ADAMTSL1: variants seen among roughly 807,000 people sequenced by gnomAD.
ADAMTSL1 encodes the protein ADAMTS like 1.
In ADAMTSL1, 126 loss-of-function variants were observed where a neutral mutation model predicts 201.8. The observed-to-expected ratio is 0.62, with a 90% CI of 0.54 to 0.72. The LOEUF (loss-of-function observed/expected upper bound fraction) is 0.72, where lower values mean the gene tolerates loss of function less well. Ranked by LOEUF, ADAMTSL1 falls within the 30% of genes least tolerant of loss-of-function variation. The pLI, the probability that ADAMTSL1 is intolerant of heterozygous loss-of-function variation, is 0.00. For synonymous variants in ADAMTSL1, 1,121 were observed against 903.4 expected (o/e 1.24, Z -4.32); for missense variants, 2,679 against 2,277.8 (o/e 1.18, Z -3.59).
chr9:18,295,557 C>T (rs1833444773), intron 2 of ADAMTSL1, among the ~76,000 whole-genome samples: 1 of 152,084 alleles, frequency 6.6e-6, no homozygotes, highest in Non-Finnish European at 1.5e-5. Flanking sequence ...CCAGGATGGT[C>T]TCTATCTCTT....
chr9:18,785,658 A>C (rs1156309000), intron 19 of ADAMTSL1, among the ~76,000 whole-genome samples: 1 of 152,306 alleles, frequency 6.6e-6, no homozygotes, highest in African/African-American at 2.4e-5. Flanking sequence ...GCAAAAGCTA[A>C]CTCCAGTCTG....
At chr9:18,712,878 C>T (rs1832699335) in intron 14 of ADAMTSL1, among the ~76,000 whole-genome samples, 1 of 147,596 alleles carries the variant, frequency 6.8e-6, no homozygotes, top group Non-Finnish European at 1.5e-5. Flanking sequence ...AAAGGGAAGC[C>T]CATCAGACTA....
chr9:18,315,420 G>T (rs571951282), intron 2 of ADAMTSL1, among the ~76,000 whole-genome samples: 66 of 152,184 alleles, frequency 4.3e-4, no homozygotes, highest in African/African-American at 1.6e-3. Context: ...GGCCGTGTGG[G>T]AGCCCAAGGG....
rs145610580 is a variant in ADAMTSL1 at position 18,595,230 on chromosome 9, A to G, written c.474+20964A>G. ...CTTGCCTGTAGGCCTCTGCCCAGGT[A>G]GGATGGGTCCCTTACTGCAGTGAAA... On this transcript the variant is annotated intron_variant, in intron 4 of 28. Coordinates refer to ENST00000380548, the MANE Select transcript of ADAMTSL1 (RefSeq NM_001040272.6). 1.4e-4 allele frequency among the ~76,000 whole-genome samples: 21 copies of G among 152,308 alleles called. No homozygotes were observed. The East Asian group carries it at 3.3e-3, about 24-fold the overall frequency.
chr9:18,516,605 A>G (rs1818378180), intron 2 of ADAMTSL1, among the ~76,000 whole-genome samples: 1 of 152,168 alleles, frequency 6.6e-6, no homozygotes, highest in Non-Finnish European at 1.5e-5. Flanking sequence ...TTTTCATAAA[A>G]CTACTGATTT....
At chr9:18,705,995 C>T (rs1480007921) in intron 13 of ADAMTSL1, among the ~76,000 whole-genome samples, 2 of 152,088 alleles carry the variant, frequency 1.3e-5, no homozygotes, top group Admixed American at 6.5e-5. Context: ...AGCTAGCTGA[C>T]GAGCAAAGTG....
chr9:18,028,485 T>C (rs1020136701), intron 1 of ADAMTSL1, among the ~76,000 whole-genome samples: 8 of 152,130 alleles, frequency 5.3e-5, no homozygotes, highest in African/African-American at 1.9e-4. Flanking sequence ...TCAGAAATCC[T>C]CTGATAGCCT....
At chr9:18,484,423 C>G (rs1821883719) in intron 1 of ADAMTSL1, among the ~76,000 whole-genome samples, 2 of 152,128 alleles carry the variant, frequency 1.3e-5, no homozygotes, top group African/African-American at 2.4e-5. Flanking sequence ...CTCTAAATCT[C>G]TAAAGATTTA....
intron 12 of ADAMTSL1, among the ~76,000 whole-genome samples, chr9:18,683,494 C>G (rs1426603658): frequency 1.3e-5 from 2 of 151,960 alleles, no homozygotes; most frequent in Non-Finnish European, 2.9e-5. Flanking sequence ...TCCCAAAGTG[C>G]TAGGATTACA....
intron 1 of ADAMTSL1, among the ~76,000 whole-genome samples, chr9:17,958,009 A>G (rs1827996557): frequency 6.6e-6 from 1 of 152,178 alleles, no homozygotes; most frequent in African/African-American, 2.4e-5. Context: ...TGTGACAGTC[A>G]TAGGATGCTA....
intron 23 of ADAMTSL1, among the ~76,000 whole-genome samples, chr9:18,871,787 GTC>G (rs1324644256): frequency 6.6e-6 from 1 of 152,070 alleles, no homozygotes; most frequent in Non-Finnish European, 1.5e-5. Flanking sequence ...TTGCAAATAT[GTC>G]TCTCTTTTTT....
chr9:18,908,064 C>T (rs1216864773), intron 28 of ADAMTSL1: 1 of 270,418 alleles, frequency 3.7e-6, no homozygotes, highest in Non-Finnish European at 7.2e-6. Context: ...ACTTAAAATA[C>T]CAAAACCCAC....
chr9:18,805,234 C>T (rs577642906), intron 20 of ADAMTSL1, among the ~76,000 whole-genome samples: 6 of 152,174 alleles, frequency 3.9e-5, no homozygotes, highest in Non-Finnish European at 5.9e-5. Context: ...GATATTGTTA[C>T]CAGTTTACAA....
chr9:18,791,860 CTG>C lies in ADAMTSL1; in HGVS notation c.3678-3534_3678-3533del, dbSNP rs201429104. On this transcript the variant is annotated intron_variant, in intron 19 of 28. Transcript: ENST00000380548. Reference sequence around the variant, plus strand: ...TATTCTAGTTCAAATCCTTACCACTCTGTGCCCTCTGTGATGGATCACCTCCC... The same window carrying C: ...TATTCTAGTTCAAATCCTTACCACTCTGCCCTCTGTGATGGATCACCTCCC... Among the ~76,000 whole-genome samples the C allele has an allele frequency of 1.3e-4, 20 of 152,322 alleles. No individual in the cohort carries two copies. In the East Asian group the frequency reaches 3.9e-3, roughly 29 times the overall value.
intron 19 of ADAMTSL1, among the ~76,000 whole-genome samples, chr9:18,790,369 G>A (rs1563803262): frequency 6.6e-6 from 1 of 152,274 alleles, no homozygotes; most frequent in East Asian, 1.9e-4. Flanking sequence ...AGCTGGGCAT[G>A]GAGATCAATT....
chr9:18,662,112 C>T, intron 9 of ADAMTSL1, 39 bp downstream of exon 9: 1 of 1,591,472 alleles, frequency 6.3e-7, no homozygotes, highest in East Asian at 2.2e-5. Context: ...ATAAACATAA[C>T]TCAAGTTCCA....
Position 18,889,762 on chromosome 9 carries a change from A to C in ADAMTSL1, c.4643+14A>C. 1 of 1,460,422 alleles carries C rather than the reference A, an allele frequency of 6.8e-7. No individual in the cohort carries two copies. The highest frequency in any genetic ancestry group is 1.5e-5 in the South Asian group (1 of 67,922). The allele number at this position is 1,460,422 out of a possible 1,614,324, so 90.5% of individuals were successfully genotyped here. A position where few individuals can be genotyped will look rare whatever the true frequency, so the allele number is the denominator to read the frequency against. Reference sequence around the variant, plus strand: ...CTGCCCTTCTCGGTGAGTGCAGCGGACACTGGCTCAGACCTCCCCACCCTA... The same window carrying C: ...CTGCCCTTCTCGGTGAGTGCAGCGGCCACTGGCTCAGACCTCCCCACCCTA... On this transcript the variant is annotated intron_variant, in intron 25 of 28. Transcript: ENST00000380548.
intron 8 of ADAMTSL1, among the ~76,000 whole-genome samples, chr9:18,659,802 T>C (rs976374596): frequency 3.3e-5 from 5 of 152,084 alleles, no homozygotes; most frequent in Non-Finnish European, 7.4e-5. Context: ...AATCGCTTTG[T>C]TTAAAAATGA....
chr9:18,792,619 G>A (rs1217097318), intron 19 of ADAMTSL1, among the ~76,000 whole-genome samples: 6 of 152,182 alleles, frequency 3.9e-5, no homozygotes, highest in Non-Finnish European at 2.9e-5. Flanking sequence ...ATTGAAACTT[G>A]ACTAAGCCTG....
Sources: gnomAD v4.1 joint callset for allele counts (sites outside exome capture counted in the v4.1 genomes callset) on GRCh38, gnomAD v4.1.1 for gene constraint, MANE v1.5 for transcripts, NCBI Gene and HGNC (gene_info 2026-07-23, HGNC 2026-07-21) for gene names.